Variants in RNPEP observed in about 807,000 individuals in gnomAD.
RNPEP encodes the protein aminopeptidase B.
Under a neutral mutation model 70.1 loss-of-function variants are expected in RNPEP, and 57 were observed. The ratio of observed to expected loss-of-function variants is 0.81; its 90% CI spans 0.66 to 1.01. RNPEP has a LOEUF of 1.01. Ranked by LOEUF, RNPEP falls within the 50% of genes least tolerant of loss-of-function variation. The pLI, the probability that RNPEP is intolerant of heterozygous loss-of-function variation, is 0.00. For missense variants in RNPEP, 787 were observed against 852.4 expected, an observed-to-expected ratio of 0.92 and a Z score of 0.96; for synonymous variants, 335 against 357.4, an observed-to-expected ratio of 0.94 and a Z score of 0.71.
chr1:201,983,444 ATTT>A (rs1206399444), intron 1 of RNPEP: 5 of 1,446,192 alleles, frequency 3.5e-6, no homozygotes, highest in Non-Finnish European at 4.6e-6. Context: ...CGTTTCTAAC[ATTT>A]TCCGTGGCTT....
rs200795347 is a variant in RNPEP, at chr1:201,984,821, C to CTTTTTTTTTTTTTTT, written c.447+1730_447+1744dup. Among the ~76,000 whole-genome samples the CTTTTTTTTTTTTTTT allele has an allele frequency of 4.9e-5, 6 of 122,044 alleles. 1 individual carries two copies. Among genetic ancestry groups the CTTTTTTTTTTTTTTT allele is most frequent in the East Asian group, 2.4e-4 (1 of 4,190 alleles). 80.1% of individuals were successfully genotyped at this position (122,044 alleles called of 152,430 possible). ...TTACTGCTAACTTTTGTATTTCTTT[C>CTTTTTTTTTTTTTTT]TTTTTTTTTTTTTTTTTTTTTTTTT... On this transcript the variant is annotated intron_variant, in intron 1 of 10. Coordinates refer to ENST00000295640, the MANE Select transcript of RNPEP (RefSeq NM_020216.4).
intron 6 of RNPEP, 64 bp downstream of exon 6, chr1:202,000,079 G>A (rs1390469809): frequency 1.1e-5 from 13 of 1,208,782 alleles, no homozygotes; most frequent in Non-Finnish European, 1.5e-5. Flanking sequence ...CCAAGTTAAT[G>A]CGAACTTCAT....
At position 202,005,708 on chromosome 1, in the gene RNPEP, G is replaced by T; in HGVS notation, c.1945G>T (p.Gly649Cys). The T allele has an allele frequency of 6.2e-7, 1 of 1,614,152 alleles. No individual in the cohort carries two copies. The highest frequency in any genetic ancestry group is 2.2e-5 in the East Asian group (1 of 44,892). The change falls in exon 11 of 11, where the codon GGC (glycine) becomes TGC (cysteine). Residue 649 changes from glycine (G) to cysteine (C), a missense_variant. Gly to Cys is a radical substitution (Grantham distance 159). Coordinates refer to ENST00000295640, the MANE Select transcript of RNPEP (RefSeq NM_020216.4). ...TGTCCAGCAGATCGTGGCACCCAAG[G>T]GCAGTTAGAGGCTCGTGTGCATGGC... ...NYVQQIVAPK[G>C]S
intron 1 of RNPEP, among the ~76,000 whole-genome samples, chr1:201,984,988 T>C (rs1282763288): frequency 6.6e-6 from 1 of 150,984 alleles, no homozygotes; most frequent in African/African-American, 2.4e-5. Context: ...AGGTCAGGAG[T>C]TTGAGACCAG....
At chr1:201,991,247 T>C (rs1042531794) in intron 3 of RNPEP, among the ~76,000 whole-genome samples, 1 of 152,164 alleles carries the variant, frequency 6.6e-6, no homozygotes, top group Admixed American at 6.5e-5. Flanking sequence ...CCCAAGTAGC[T>C]GGGACTACAG....
chr1:201,997,768 T>TTTG (rs1683616736), intron 5 of RNPEP, among the ~76,000 whole-genome samples: 1 of 150,890 alleles, frequency 6.6e-6, no homozygotes, highest in East Asian at 1.9e-4. Flanking sequence ...GGTCATTAGT[T>TTTG]TTTTTTTTTT....
At chr1:201,984,821 CTTTTTTTTTTTTT>C (rs200795347) in intron 1 of RNPEP, among the ~76,000 whole-genome samples, 1,808 of 121,922 alleles carry the variant, frequency 0.015, 109 homozygotes, top group Non-Finnish European at 0.022. Context: ...GTATTTCTTT[CTTTTTTTTTTTTT>C]TTTTTTTTTT....
intron 10 of RNPEP, 60 bp downstream of exon 10, chr1:202,004,556 G>A (rs1683972635): frequency 1.9e-6 from 3 of 1,592,028 alleles, no homozygotes; most frequent in Non-Finnish European, 2.6e-6. Context: ...GGCCATATGT[G>A]AAGTAATCAT....
intron 8 of RNPEP, chr1:202,002,993 T>G: frequency 2.1e-6 from 1 of 468,614 alleles, no homozygotes; most frequent in Non-Finnish European, 3.8e-6. Context: ...CCAACTTGGC[T>G]CTGACAACAC....
At chr1:202,000,297 C>G in intron 6 of RNPEP, 1 of 315,048 alleles carries the variant, frequency 3.2e-6, no homozygotes, top group Non-Finnish European at 6.0e-6. Flanking sequence ...TTTCGCATTC[C>G]TTCATGATCA....
intron 3 of RNPEP, among the ~76,000 whole-genome samples, chr1:201,991,775 T>C (rs1683343544): frequency 6.6e-6 from 1 of 152,124 alleles, no homozygotes; most frequent in Admixed American, 6.6e-5. Flanking sequence ...TGTGTCCTGG[T>C]GGAGGTATCT....
chr1:201,989,933 C>T (rs1683265173), intron 3 of RNPEP, among the ~76,000 whole-genome samples: 1 of 152,002 alleles, frequency 6.6e-6, no homozygotes. Context: ...CAACCTCTGC[C>T]TCCTGGGTTC....
intron 3 of RNPEP, among the ~76,000 whole-genome samples, chr1:201,995,020 G>T (rs544502112): frequency 6.6e-6 from 1 of 151,990 alleles, no homozygotes; most frequent in Non-Finnish European, 1.5e-5. Flanking sequence ...AGTTCTAAGC[G>T]CAGCCAGGGG....
chr1:202,003,327 A>C lies in RNPEP; in HGVS notation c.1517A>C (p.Glu506Ala). Residue 506 changes from glutamate to alanine, a missense_variant, in exon 9 of 11, where the codon GAA becomes GCA. Physicochemically the swap from Glu to Ala is moderately radical, Grantham distance 107. Transcript: ENST00000295640. ...SPGDSLMKPA[E>A]ELAQLWAAEE... ...GGGGACTCACTCATGAAGCCTGCTG[A>C]AGAGCTAGCCCAACTGTGGGCAGCC... is the stretch of plus-strand genomic sequence containing the variant. 1 of 1,614,158 alleles carries C rather than the reference A, an allele frequency of 6.2e-7. No homozygotes were observed. Among genetic ancestry groups the C allele is most frequent in the African/African-American group, 1.3e-5 (1 of 75,042 alleles).
intron 3 of RNPEP, among the ~76,000 whole-genome samples, chr1:201,990,642 A>G (rs540582303): frequency 6.8e-6 from 1 of 148,104 alleles, no homozygotes; most frequent in African/African-American, 2.5e-5. Flanking sequence ...GCTCAGTGGC[A>G]CTGCTGGTAT....
chr1:201,982,696 C>A lies in RNPEP; in HGVS notation c.30C>A (p.Ser10Arg). The change falls in exon 1 of 11, where the codon AGC becomes AGA. Residue 10 changes from serine (S) to arginine (R), a missense_variant. Physicochemically the swap from Ser to Arg is moderately radical, Grantham distance 110. Transcript: ENST00000295640. ...CGAGCGGCGAGCATTCCCCCGGCAG[C>A]GGCGCGGCCCGGCGGCCGCTGCACT... MASGEHSPG[S>R]GAARRPLHSA... The A allele has an allele frequency of 7.2e-7, 1 of 1,393,354 alleles. No individual in the cohort carries two copies. The allele number at this position is 1,393,354 out of a possible 1,614,324, so 86.3% of individuals were successfully genotyped here.
At chr1:201,995,942 G>T in intron 3 of RNPEP, 1 of 564,292 alleles carries the variant, frequency 1.8e-6, no homozygotes. Flanking sequence ...CCACCTCCAT[G>T]AGGCTGTCTT....
In RNPEP at chr1:201,998,359, A is replaced by T. The variant is rs566985941; in HGVS notation, c.1090+805A>T. 2.6e-3 allele frequency among the ~76,000 whole-genome samples: 383 copies of T among 146,198 alleles called. 1 individual carries two copies. Among genetic ancestry groups the T allele is most frequent in the South Asian group, 0.014 (65 of 4,614 alleles). On this transcript the variant is annotated intron_variant, in intron 5 of 10. Transcript: ENST00000295640. ...GCAATTCTCCTGCCTCAGCTCCCCC[A>T]CATCCCACTCCCTGTAGCTGGGATT... is the stretch of plus-strand genomic sequence containing the variant.
chr1:201,994,955 C>T (rs918292009), intron 3 of RNPEP, among the ~76,000 whole-genome samples: 14 of 148,220 alleles, frequency 9.4e-5, no homozygotes, highest in African/African-American at 3.2e-4. Flanking sequence ...ACTGGGATTA[C>T]AGACATGAGC....
Sources: allele counts gnomAD v4.1 joint callset (sites outside exome capture counted in the v4.1 genomes callset), GRCh38; gene constraint gnomAD v4.1.1; transcripts MANE v1.5; gene names NCBI Gene and HGNC (gene_info 2026-07-23, HGNC 2026-07-21).